ZNF526: variants seen among roughly 807,000 people sequenced by gnomAD.
ZNF526 encodes the protein zinc finger protein 526.
ZNF526 carries 16 observed loss-of-function variants against 32.4 expected under a neutral mutation model. That is an observed-to-expected ratio of 0.49 (90% confidence interval 0.33 to 0.75). The LOEUF is 0.75. Among genes scored for constraint, ZNF526 ranks in the 30% least tolerant of loss-of-function variants. The probability of loss-of-function intolerance (pLI) is 0.02; values close to 1 mark genes in which losing one functional copy is unlikely to be tolerated. For missense variants in ZNF526, 838 were observed against 920.7 expected (o/e 0.91, Z 1.16); for synonymous variants, 355 against 363.4 (o/e 0.98, Z 0.26).
In ZNF526 at chr19:42,225,657, A is replaced by G. The variant is rs762509088; in HGVS notation, c.1254A>G (p.Thr418=). The G allele has an allele frequency of 5.0e-6, 8 of 1,613,488 alleles. 1 individual carries two copies. In the South Asian group the frequency reaches 8.8e-5, roughly 18 times the overall value. Residue 418 remains threonine (T), a synonymous_variant, in exon 3 of 3, where the codon ACA becomes ACG. Transcript: ENST00000301215. ...CCGGCAAAAGCGGGGCACCTCCCAC[A>G]GGAGCAACAGCTCCCCCAGCTCCAG... ...THAGKSGAPP[T]GATAPPAPAE...
rs1433419525 is a variant in ZNF526 at position 42,226,377 on chromosome 19, A to G, written c.1974A>G (p.Glu658=). The change falls in exon 3 of 3, where the codon GAA becomes GAG. Residue 658 remains glutamate (E), a synonymous_variant. Transcript: ENST00000301215. ...QLCQAALGAS[E]AGGLLQLDTA... ...GCCAGGCTGCACTGGGGGCCAGTGA[A>G]GCAGGCGGGCTCTTGCAGTTGGACA... 16 of 1,614,130 alleles carry G rather than the reference A, an allele frequency of 9.9e-6. No individual in the cohort carries two copies. The highest frequency in any genetic ancestry group is 1.4e-5 in the Non-Finnish European group (16 of 1,180,046).
rs904309155 is a variant in ZNF526, at chr19:42,224,256, C to T, written c.-67C>T. On this transcript the variant is annotated 5_prime_UTR_variant, in exon 2 of 3. It adds an upstream start codon to the 5' untranslated region. Transcript: ENST00000301215. ...TGTAGGCTTCAGAGACATGGGATCA[C>T]GGAAGACTGAAGCAGAAACAGTGGA... 1.2e-5 allele frequency: 9 copies of T among 728,426 alleles called. No homozygotes were observed. The highest frequency in any genetic ancestry group is 1.9e-5 in the Non-Finnish European group (8 of 415,850). The allele number at this position is 728,426 out of a possible 1,614,324, so 45.1% of individuals were successfully genotyped here.
In ZNF526 at chr19:42,225,419, A is replaced by G; in HGVS notation, c.1016A>G (p.Lys339Arg). The G allele has an allele frequency of 6.2e-7, 1 of 1,614,112 alleles. No individual in the cohort carries two copies. Among genetic ancestry groups the G allele is most frequent in the Non-Finnish European group, 8.5e-7 (1 of 1,180,044 alleles). ...GGTHECTTCS[K>R]VFKKAASLEQ... ...ACACATGAGTGTACAACCTGCTCCA[A>G]GGTCTTCAAGAAAGCAGCATCGCTT... is the stretch of plus-strand genomic sequence containing the variant. The change falls in exon 3 of 3, where the codon AAG (lysine) becomes AGG (arginine). Residue 339 changes from lysine (K) to arginine (R), a missense_variant. Lys to Arg is a conservative substitution (Grantham distance 26). Coordinates refer to ENST00000301215, the MANE Select transcript of ZNF526 (RefSeq NM_133444.3).
intron 1 of ZNF526, 39 bp from the exon 2 acceptor site, chr19:42,224,176 A>G: frequency 1.9e-6 from 1 of 537,984 alleles, no homozygotes; most frequent in South Asian, 2.1e-5. Context: ...AAAAAAAAAA[A>G]AAAAAGAGGC....
Position 42,224,663 on chromosome 19 carries a change from A to C in ZNF526, c.260A>C (p.Glu87Ala), listed in dbSNP as rs1327607803. ...EQHMLAVSEE[E>A]ALTTQNVGLE... ...CACATGCTTGCTGTCTCAGAGGAGG[A>C]GGCACTGACCACACAGAATGTTGGC... is the stretch of plus-strand genomic sequence containing the variant. Residue 87 changes from glutamate (E) to alanine (A), a missense_variant, in exon 3 of 3, where the codon GAG becomes GCG. Transcript: ENST00000301215. 22 of 1,614,020 alleles carry C rather than the reference A, an allele frequency of 1.4e-5. No homozygotes were observed. Among genetic ancestry groups the C allele is most frequent in the Non-Finnish European group, 1.8e-5 (21 of 1,180,024 alleles).
chr19:42,222,243 C>G (rs184404066), intron 1 of ZNF526, among the ~76,000 whole-genome samples: 1 of 152,040 alleles, frequency 6.6e-6, no homozygotes, highest in African/African-American at 2.4e-5. Flanking sequence ...TGCACCACCA[C>G]GCCCAGCTAA....
chr19:42,225,284 C>T lies in ZNF526; in HGVS notation c.881C>T (p.Thr294Met), dbSNP rs559998555. 5.3e-5 allele frequency: 85 copies of T among 1,612,770 alleles called. No individual in the cohort carries two copies. Among genetic ancestry groups the T allele is most frequent in the Admixed American group, 3.3e-4 (20 of 59,972 alleles). The change falls in exon 3 of 3, where the codon ACG (threonine) becomes ATG (methionine). Residue 294 changes from threonine to methionine, a missense_variant. Transcript: ENST00000301215. Reference protein sequence around the residue: ...SAGARRQHRRTAHSPASATHP... With the variant: ...SAGARRQHRRMAHSPASATHP... ...GGGGCTCGCCGGCAACACCGGCGGACGGCTCACAGCCCGGCATCTGCCACC... is the reference window on the plus strand; with the variant it reads ...GGGGCTCGCCGGCAACACCGGCGGATGGCTCACAGCCCGGCATCTGCCACC...
rs1466234854 is a variant in ZNF526, at chr19:42,220,319, G to C, written c.-177G>C. The C allele has an allele frequency of 3.3e-5, 5 of 152,376 alleles. No homozygotes were observed. Among genetic ancestry groups the C allele is most frequent in the Admixed American group, 2.6e-4 (4 of 15,288 alleles). 9.4% of individuals were successfully genotyped at this position (152,376 alleles called of 1,614,324 possible). A position where few individuals can be genotyped will look rare whatever the true frequency, so the allele number is the denominator to read the frequency against. Reference sequence around the variant, plus strand: ...CCAATGGGAGGTGTGGATAGTGAGGGGTCCCACACGCCTGGAGCCGAGGGT... The same window carrying C: ...CCAATGGGAGGTGTGGATAGTGAGGCGTCCCACACGCCTGGAGCCGAGGGT... On this transcript the variant is annotated 5_prime_UTR_variant, in exon 1 of 3. Coordinates refer to ENST00000301215, the MANE Select transcript of ZNF526 (RefSeq NM_133444.3).
rs1436446705 is a variant in ZNF526 at position 42,225,029 on chromosome 19, CT to C, written c.627del (p.Glu210ArgfsTer14). On this transcript the variant is annotated frameshift_variant, in exon 3 of 3. Transcript: ENST00000301215. LOFTEE classifies it high-confidence loss of function. ...GAGTGCTCTACCCTCTGCGCCACCC[CT>C]GAGGAGTTCTTGGAGCATCAGGGCA... is the stretch of plus-strand genomic sequence containing the variant. ...CPECSTLCAT[P>X]EEFLEHQGTH... The C allele has an allele frequency of 1.2e-6, 2 of 1,614,098 alleles. No individual in the cohort carries two copies. Among genetic ancestry groups the C allele is most frequent in the African/African-American group, 1.3e-5 (1 of 74,934 alleles).
At position 42,224,209 on chromosome 19, in the gene ZNF526, C is replaced by T; in HGVS notation, c.-108-6C>T. 1 of 617,772 alleles carries T rather than the reference C, an allele frequency of 1.6e-6. No homozygotes were observed. Among genetic ancestry groups the T allele is most frequent in the Non-Finnish European group, 2.9e-6 (1 of 342,250 alleles). The allele number at this position is 617,772 out of a possible 1,614,324, so 38.3% of individuals were successfully genotyped here. On this transcript the variant is annotated splice_polypyrimidine_tract_variant and splice_region_variant and intron_variant, in intron 1 of 2. Coordinates refer to ENST00000301215, the MANE Select transcript of ZNF526 (RefSeq NM_133444.3). ...GGCTGGGCTGAGTGGTGTTTCTCTC[C>T]TGCAGGCTGCCGTGGGGTGTGTGTA...
intron 1 of ZNF526, among the ~76,000 whole-genome samples, chr19:42,223,868 T>A (rs1208058541): frequency 7.1e-6 from 1 of 140,386 alleles, no homozygotes; most frequent in Non-Finnish European, 1.5e-5. Context: ...GGGTGGTGGC[T>A]CACATCTGTA....
intron 1 of ZNF526, among the ~76,000 whole-genome samples, chr19:42,222,172 C>T (rs1205680515): frequency 2.6e-5 from 4 of 151,820 alleles, no homozygotes; most frequent in Non-Finnish European, 5.9e-5. Flanking sequence ...CTGCAACCTC[C>T]GCCTCCCGGT....
chr19:42,226,154 C>T lies in ZNF526; in HGVS notation c.1751C>T (p.Ala584Val), dbSNP rs560757287. The change falls in exon 3 of 3, where the codon GCC becomes GTC. Residue 584 changes from alanine to valine, a missense_variant. Physicochemically the swap from Ala to Val is moderately conservative, Grantham distance 64. Coordinates refer to ENST00000301215, the MANE Select transcript of ZNF526 (RefSeq NM_133444.3). ...GGGACTTGTGGCCGCTGGTTCCGCGCCATGGCGGGCTTGCGACTGCATCAG... is the reference window on the plus strand; with the variant it reads ...GGGACTTGTGGCCGCTGGTTCCGCGTCATGGCGGGCTTGCGACTGCATCAG... ...YCGTCGRWFR[A>V]MAGLRLHQRV... is the part of the protein sequence containing the mutation. 2 of 1,607,340 alleles carry T rather than the reference C, an allele frequency of 1.2e-6. No homozygotes were observed. The highest frequency in any genetic ancestry group is 2.7e-5 in the African/African-American group (2 of 75,082).
At position 42,226,165 on chromosome 19, in the gene ZNF526, T is replaced by G; in HGVS notation, c.1762T>G (p.Leu588Val). ...CCGCTGGTTCCGCGCCATGGCGGGC[T>G]TGCGACTGCATCAGCGGGTCCATGC... ...CGRWFRAMAG[L>V]RLHQRVHARA... The change falls in exon 3 of 3, where the codon TTG (leucine) becomes GTG (valine). Residue 588 changes from leucine (L) to valine (V), a missense_variant. By Grantham distance (32) the Leu-to-Val change is conservative (BLOSUM62 1). Transcript: ENST00000301215. 6.2e-7 allele frequency: 1 copy of G among 1,607,886 alleles called. No homozygotes were observed. The highest frequency in any genetic ancestry group is 8.5e-7 in the Non-Finnish European group (1 of 1,179,998).
chr19:42,222,372 C>T (rs188794747), intron 1 of ZNF526, among the ~76,000 whole-genome samples: 2 of 152,284 alleles, frequency 1.3e-5, no homozygotes, highest in East Asian at 3.9e-4. Context: ...AGGCGTGAGC[C>T]ACTGCGCCCG....
In ZNF526 at chr19:42,226,144, T is replaced by C. The variant is rs1392655215; in HGVS notation, c.1741T>C (p.Trp581Arg). 17 of 1,606,870 alleles carry C rather than the reference T, an allele frequency of 1.1e-5. No homozygotes were observed. Among genetic ancestry groups the C allele is most frequent in the Admixed American group, 3.3e-5 (2 of 60,004 alleles). ...SPYYCGTCGR[W>R]FRAMAGLRLH... ...CTACTACTGCGGGACTTGTGGCCGCTGGTTCCGCGCCATGGCGGGCTTGCG... is the reference window on the plus strand; with the variant it reads ...CTACTACTGCGGGACTTGTGGCCGCCGGTTCCGCGCCATGGCGGGCTTGCG... Residue 581 changes from tryptophan (W) to arginine (R), a missense_variant, in exon 3 of 3, where the codon TGG becomes CGG. By Grantham distance (101) the Trp-to-Arg change is moderately radical. Coordinates refer to ENST00000301215, the MANE Select transcript of ZNF526 (RefSeq NM_133444.3).
chr19:42,222,082 CTTT>C (rs749642139), intron 1 of ZNF526, among the ~76,000 whole-genome samples: 1 of 141,660 alleles, frequency 7.1e-6, no homozygotes, highest in Non-Finnish European at 1.6e-5. Context: ...ATATGAGCAA[CTTT>C]TTTTTTTTTT....
Position 42,226,403 on chromosome 19 carries a change from C to T in ZNF526, c.2000C>T (p.Thr667Met), listed in dbSNP as rs971401936. 3.2e-5 allele frequency: 51 copies of T among 1,614,090 alleles called. No homozygotes were observed. The Admixed American group carries it at 4.0e-4, about 13-fold the overall frequency. ...GCAGGCGGGCTCTTGCAGTTGGACA[C>T]GGCCTTCGTGTGACGCAGCTGAAAA... ...SEAGGLLQLD[T>M]AFV The change falls in exon 3 of 3, where the codon ACG (threonine) becomes ATG (methionine). Residue 667 changes from threonine (T) to methionine (M), a missense_variant. Physicochemically the swap from Thr to Met is moderately conservative, Grantham distance 81. Transcript: ENST00000301215.
intron 1 of ZNF526, among the ~76,000 whole-genome samples, chr19:42,221,032 T>C (rs989696605): frequency 6.6e-6 from 1 of 152,136 alleles, no homozygotes; most frequent in Non-Finnish European, 1.5e-5. Context: ...GGGATTGGAA[T>C]AGTAGATAAG....
Sources: gnomAD v4.1 joint callset for allele counts (sites outside exome capture counted in the v4.1 genomes callset) on GRCh38, gnomAD v4.1.1 for gene constraint, MANE v1.5 for transcripts, NCBI Gene and HGNC (gene_info 2026-07-23, HGNC 2026-07-21) for gene names.